The following EPM2A variants were observed in gnomAD, a reference collection of about 807,000 sequenced individuals.
The protein encoded by EPM2A is laforin.
In EPM2A, 21 loss-of-function variants were observed where a neutral mutation model predicts 26.5. The observed-to-expected ratio is 0.79, with a 90% confidence interval of 0.56 to 1.14. The LOEUF is 1.14. EPM2A is among the 50% of genes most tolerant of loss of function. EPM2A has a pLI of 0.00. For synonymous variants in EPM2A, 217 were observed against 177.6 expected (o/e 1.22, Z -1.76); for missense variants, 458 against 440.8 (o/e 1.04, Z -0.35).
chr6:145,673,795 G>C (rs1020652624), intron 2 of EPM2A, among the ~76,000 whole-genome samples: 1 of 152,136 alleles, frequency 6.6e-6, no homozygotes, highest in Non-Finnish European at 1.5e-5. Flanking sequence ...ACTGGACAGA[G>C]CCCACTGCAG....
intron 4 of EPM2A, among the ~76,000 whole-genome samples, chr6:145,477,349 A>G (rs1779555647): frequency 6.6e-6 from 1 of 151,930 alleles, no homozygotes; most frequent in African/African-American, 2.4e-5. Context: ...TCTACCAAAC[A>G]TTTAAAGAAC....
chr6:145,593,552 T>C (rs1312853727), intron 2 of EPM2A, among the ~76,000 whole-genome samples: 2 of 152,060 alleles, frequency 1.3e-5, no homozygotes, highest in Non-Finnish European at 2.9e-5. Flanking sequence ...CCTTAACAAA[T>C]TTTTTGAACA....
At chr6:145,662,084 C>A (rs545170022) in intron 2 of EPM2A, among the ~76,000 whole-genome samples, 2 of 152,118 alleles carry the variant, frequency 1.3e-5, no homozygotes, top group African/African-American at 4.8e-5. Context: ...AACCATTTCC[C>A]CACCTACTGT....
intron 1 of EPM2A, among the ~76,000 whole-genome samples, chr6:145,726,120 T>C (rs1776192743): frequency 6.6e-6 from 1 of 151,930 alleles, no homozygotes. Context: ...CACCTTGTAG[T>C]GCCAGAAAGT....
At chr6:145,622,708 G>A (rs1272481825), downstream of EPM2A, among the ~76,000 whole-genome samples, 1 of 152,178 alleles carries the variant, frequency 6.6e-6, no homozygotes, top group Non-Finnish European at 1.5e-5. Flanking sequence ...ATAGCGGCAT[G>A]GAACACATTC....
intron 1 of EPM2A, among the ~76,000 whole-genome samples, chr6:145,688,941 C>T (rs552609989): frequency 6.6e-6 from 1 of 152,120 alleles, no homozygotes; most frequent in Non-Finnish European, 1.5e-5. Context: ...TTACAAGGAG[C>T]GGGTGTTACT....
chr6:145,626,684 G>A lies in EPM2A; in HGVS notation c.*732C>T, dbSNP rs1318195890. On this transcript the variant is annotated 3_prime_UTR_variant, in exon 4 of 4. Transcript: ENST00000367519. Reference sequence around the variant, plus strand: ...TGACTGGTCATGAGACCTTGGACAAGCTACCTATGCTCATTAAGCCTCAAT... The same window carrying A: ...TGACTGGTCATGAGACCTTGGACAAACTACCTATGCTCATTAAGCCTCAAT... 1 of 982,340 alleles carries A rather than the reference G, an allele frequency of 1.0e-6. No individual in the cohort carries two copies. Among genetic ancestry groups the A allele is most frequent in the Non-Finnish European group, 1.2e-6 (1 of 827,062 alleles). 60.9% of individuals were successfully genotyped at this position (982,340 alleles called of 1,614,324 possible). A position where few individuals can be genotyped will look rare whatever the true frequency, so the allele number is the denominator to read the frequency against.
At chr6:145,530,595 A>G (rs1780340365) in intron 2 of EPM2A, among the ~76,000 whole-genome samples, 4 of 151,892 alleles carry the variant, frequency 2.6e-5, no homozygotes, top group African/African-American at 9.7e-5. Context: ...TTCCTCATCT[A>G]TAAAACAAAG....
intron 1 of EPM2A, among the ~76,000 whole-genome samples, chr6:145,718,134 G>T (rs1391784221): frequency 6.6e-6 from 1 of 151,810 alleles, no homozygotes; most frequent in Non-Finnish European, 1.5e-5. Context: ...AGTTCATATG[G>T]AACCAAAAAA....
intron 2 of EPM2A, among the ~76,000 whole-genome samples, chr6:145,605,198 T>A (rs1358712074): frequency 6.6e-6 from 1 of 152,112 alleles, no homozygotes; most frequent in East Asian, 1.9e-4. Flanking sequence ...CCTTTGAGAG[T>A]CAGCTTAGAG....
intron 2 of EPM2A, among the ~76,000 whole-genome samples, chr6:145,550,208 A>G (rs1362005551): frequency 6.6e-6 from 1 of 152,072 alleles, no homozygotes; most frequent in Non-Finnish European, 1.5e-5. Flanking sequence ...TACAAAAGGA[A>G]TGAAATGGTA....
intron 4 of EPM2A, among the ~76,000 whole-genome samples, chr6:145,447,685 G>C (rs1367374120): frequency 2.0e-5 from 3 of 152,044 alleles, no homozygotes; most frequent in Admixed American, 6.6e-5. Flanking sequence ...TACTGTGAAA[G>C]ACAAGAACTC....
intron 2 of EPM2A, among the ~76,000 whole-genome samples, chr6:145,582,167 T>G (rs1488887320): frequency 6.6e-6 from 1 of 152,160 alleles, no homozygotes. Flanking sequence ...TCAAATTTTT[T>G]TTTATTTCTG....
chr6:145,618,341 T>C (rs779628330), intron 2 of EPM2A, among the ~76,000 whole-genome samples: 2 of 152,224 alleles, frequency 1.3e-5, no homozygotes, highest in Middle Eastern at 3.2e-3. Context: ...TTTTGGGAGA[T>C]GGTTATAAGA....
intron 4 of EPM2A, among the ~76,000 whole-genome samples, chr6:145,456,920 G>A (rs1393678141): frequency 1.3e-5 from 2 of 152,044 alleles, no homozygotes; most frequent in Non-Finnish European, 2.9e-5. Flanking sequence ...CCACCTTACA[G>A]ATGTTATAAA....
intron 2 of EPM2A, among the ~76,000 whole-genome samples, chr6:145,545,421 T>C (rs1414766293): frequency 3.3e-5 from 5 of 152,106 alleles, no homozygotes; most frequent in Non-Finnish European, 7.3e-5. Flanking sequence ...GCCAAGCAAG[T>C]CACATGGCCA....
intron 2 of EPM2A, among the ~76,000 whole-genome samples, chr6:145,533,067 A>C (rs1162671985): frequency 6.6e-6 from 1 of 152,130 alleles, no homozygotes; most frequent in Non-Finnish European, 1.5e-5. Flanking sequence ...CAAACTTAAC[A>C]GGTCTAACAC....
chr6:145,687,138 A>G (rs702323), intron 1 of EPM2A, among the ~76,000 whole-genome samples: 81,123 of 151,894 alleles, frequency 0.53, 22,329 homozygotes, highest in East Asian at 0.7. Flanking sequence ...CCTAACACCC[A>G]AGGTGTTGGT....
chr6:145,635,167 T>C (rs965267699), intron 3 of EPM2A, 78 bp downstream of exon 3: 6 of 1,524,106 alleles, frequency 3.9e-6, no homozygotes, highest in Middle Eastern at 1.7e-4. Flanking sequence ...TTTTAAGATA[T>C]TAAATTATAG....
Sources: allele counts gnomAD v4.1 joint callset (sites outside exome capture counted in the v4.1 genomes callset), GRCh38; gene constraint gnomAD v4.1.1; transcripts MANE v1.5; gene names NCBI Gene and HGNC (gene_info 2026-07-23, HGNC 2026-07-21).